Variants in ARMH3 observed in about 807,000 individuals in gnomAD.
ARMH3 encodes the protein armadillo like helical domain containing 3, also known as armadillo-like helical domain-containing protein 3.
Under a neutral mutation model 99.1 loss-of-function variants are expected in ARMH3, and 60 were observed. The ratio of observed to expected loss-of-function variants is 0.61; its 90% CI spans 0.49 to 0.75. ARMH3 has a LOEUF of 0.75. Ranked by LOEUF, ARMH3 falls within the 30% of genes least tolerant of loss-of-function variation. The pLI, the probability that ARMH3 is intolerant of heterozygous loss-of-function variation, is 0.00. For missense variants in ARMH3, 679 were observed against 843.1 expected (o/e 0.81, Z 2.41); for synonymous variants, 285 against 292.8 (o/e 0.97, Z 0.27).
In ARMH3 at chr10:102,019,258, A is replaced by T. The variant is rs376977761; in HGVS notation, c.669+4219T>A. Among the ~76,000 whole-genome samples, 5 of 152,110 alleles carry T rather than the reference A, an allele frequency of 3.3e-5. No homozygotes were observed. The East Asian group carries it at 9.7e-4, about 29-fold the overall frequency. On this transcript the variant is annotated intron_variant, in intron 8 of 25. Transcript: ENST00000370033. ...GAGATCGGGTTTTGCCATGTTGGCC[A>T]GGCTGGTCTCAAACTCCTGACCTCA...
At chr10:101,978,629 G>A (rs980341125) in intron 19 of ARMH3, among the ~76,000 whole-genome samples, 3 of 151,928 alleles carry the variant, frequency 2.0e-5, no homozygotes, top group Non-Finnish European at 2.9e-5. Flanking sequence ...AGAATCCCAT[G>A]TCTACAAAAA....
intron 15 of ARMH3, 132 bp downstream of exon 15, chr10:102,001,839 G>GTA: frequency 1.6e-5 from 12 of 760,468 alleles, no homozygotes; most frequent in Non-Finnish European, 2.5e-5. Flanking sequence ...CTATTTTCCA[G>GTA]CAATGAAGAC....
intron 1 of ARMH3, among the ~76,000 whole-genome samples, chr10:102,052,463 A>G (rs1052572680): frequency 6.6e-6 from 1 of 152,140 alleles, no homozygotes; most frequent in African/African-American, 2.4e-5. Context: ...AGCTCAAGCA[A>G]TCCACCAGCC....
In ARMH3 at chr10:101,921,746, C is replaced by T. The variant is rs541691766; in HGVS notation, c.1781+18117G>A. Among the ~76,000 whole-genome samples the T allele has an allele frequency of 2.0e-4, 31 of 152,236 alleles. No individual in the cohort carries two copies. In the South Asian group the frequency reaches 3.9e-3, roughly 19 times the overall value. ...AAGCCAGGCACAGAAAGACAAATTT[C>T]GCATGTTCTCACTCATAGGTAGTAG... is the stretch of plus-strand genomic sequence containing the variant. On this transcript the variant is annotated intron_variant, in intron 23 of 25. Transcript: ENST00000370033.
intron 23 of ARMH3, among the ~76,000 whole-genome samples, chr10:101,938,760 G>A (rs903654594): frequency 1.1e-4 from 16 of 152,186 alleles, no homozygotes; most frequent in African/African-American, 3.6e-4. Context: ...TATTTGCTAG[G>A]TGCAGATATG....
Position 101,845,732 on chromosome 10 carries a change from C to T in ARMH3, c.*1796G>A, listed in dbSNP as rs2135234959. On this transcript the variant is annotated 3_prime_UTR_variant, in exon 26 of 26. Coordinates refer to ENST00000370033, the MANE Select transcript of ARMH3 (RefSeq NM_024541.3). ...GCTATCCATCCAGTGATCAGATGACCCAGCCTGTGATCTCTTAAGAACCTA... is the reference window on the plus strand; with the variant it reads ...GCTATCCATCCAGTGATCAGATGACTCAGCCTGTGATCTCTTAAGAACCTA... 1 of 151,934 alleles carries T rather than the reference C, an allele frequency of 6.6e-6. No individual in the cohort carries two copies. The highest frequency in any genetic ancestry group is 1.9e-4 in the East Asian group (1 of 5,134). The allele number at this position is 151,934 out of a possible 1,614,324, so 9.4% of individuals were successfully genotyped here. A position where few individuals can be genotyped will look rare whatever the true frequency, so the allele number is the denominator to read the frequency against.
At chr10:101,985,190 G>A (rs911767382) in intron 19 of ARMH3, among the ~76,000 whole-genome samples, 3 of 145,518 alleles carry the variant, frequency 2.1e-5, no homozygotes, top group Non-Finnish European at 3.0e-5. Flanking sequence ...GAATATATAT[G>A]TGTGTATATA....
At chr10:101,884,719 C>A (rs139507107) in intron 24 of ARMH3, among the ~76,000 whole-genome samples, 9 of 151,974 alleles carry the variant, frequency 5.9e-5, no homozygotes, top group Non-Finnish European at 1.3e-4. Flanking sequence ...TTGGCAATAA[C>A]TTCTTGGACT....
chr10:101,911,987 C>A (rs910125656), intron 23 of ARMH3, among the ~76,000 whole-genome samples: 4 of 151,956 alleles, frequency 2.6e-5, no homozygotes, highest in African/African-American at 9.7e-5. Flanking sequence ...GAGCTGAGAT[C>A]GTGTATCTGC....
intron 23 of ARMH3, among the ~76,000 whole-genome samples, chr10:101,889,960 C>A (rs1219515640): frequency 6.6e-6 from 1 of 152,126 alleles, no homozygotes; most frequent in East Asian, 1.9e-4. Flanking sequence ...AATTTTATAT[C>A]CGGCCATTCA....
At position 101,860,162 on chromosome 10, in the gene ARMH3, A is replaced by G. The variant is rs533887992; in HGVS notation, c.1861-10270T>C. ...AATGCTCACTATATATACCATTTCC[A>G]ACACCCATTTGAGACTTCCCTCTGT... On this transcript the variant is annotated intron_variant, in intron 24 of 25. Coordinates refer to ENST00000370033, the MANE Select transcript of ARMH3 (RefSeq NM_024541.3). Among the ~76,000 whole-genome samples, 179 of 152,340 alleles carry G rather than the reference A, an allele frequency of 1.2e-3. 1 individual carries two copies. The highest frequency in any genetic ancestry group is 4.2e-3 in the African/African-American group (176 of 41,580).
At chr10:101,999,196 CTT>C (rs571429862) in intron 15 of ARMH3, among the ~76,000 whole-genome samples, 1 of 143,622 alleles carries the variant, frequency 7.0e-6, no homozygotes, top group Non-Finnish European at 1.5e-5. Context: ...AAAAAAAATC[CTT>C]TTTTTTTTTT....
At chr10:101,933,986 A>G (rs1034538628) in intron 23 of ARMH3, among the ~76,000 whole-genome samples, 1 of 152,226 alleles carries the variant, frequency 6.6e-6, no homozygotes, top group Non-Finnish European at 1.5e-5. Flanking sequence ...TGCAGCAAAG[A>G]TTTCAGCCCA....
chr10:101,995,461 T>C, intron 15 of ARMH3, 106 bp from the exon 16 acceptor site: 1 of 929,292 alleles, frequency 1.1e-6, no homozygotes, highest in Non-Finnish European at 1.6e-6. Flanking sequence ...TCACACTTTC[T>C]CTTCCCACAA....
intron 5 of ARMH3, 101 bp downstream of exon 5, chr10:102,029,537 T>C (rs751213162): frequency 3.2e-5 from 51 of 1,609,936 alleles, no homozygotes; most frequent in Non-Finnish European, 4.2e-5. Context: ...CATCTGTATC[T>C]TTCTGAGTCC....
At chr10:102,001,619 C>T (rs557467842) in intron 15 of ARMH3, among the ~76,000 whole-genome samples, 11 of 152,304 alleles carry the variant, frequency 7.2e-5, no homozygotes, top group African/African-American at 2.6e-4. Context: ...GCTTTCAGTT[C>T]CTGTCCTCAA....
intron 20 of ARMH3, among the ~76,000 whole-genome samples, chr10:101,969,376 G>A (rs1477788367): frequency 3.2e-4 from 48 of 151,690 alleles, no homozygotes; most frequent in Admixed American, 3.1e-3. Flanking sequence ...AATCAAGAGG[G>A]GCTGCTGAAC....
At chr10:102,038,700 GAAT>G (rs2067336153) in intron 2 of ARMH3, among the ~76,000 whole-genome samples, 1 of 151,646 alleles carries the variant, frequency 6.6e-6, no homozygotes, top group Admixed American at 6.6e-5. Context: ...GATACATTTA[GAAT>G]GCTCCAGGCA....
At chr10:101,880,091 C>T (rs1038952038) in intron 24 of ARMH3, among the ~76,000 whole-genome samples, 1 of 152,246 alleles carries the variant, frequency 6.6e-6, no homozygotes, top group African/African-American at 2.4e-5. Flanking sequence ...CACATGCTCA[C>T]ACTCGAGAAT....
Sources: gnomAD v4.1 joint callset for allele counts (sites outside exome capture counted in the v4.1 genomes callset) on GRCh38, gnomAD v4.1.1 for gene constraint, MANE v1.5 for transcripts, NCBI Gene and HGNC (gene_info 2026-07-23, HGNC 2026-07-21) for gene names.